Variants in UBOX5 observed in about 807,000 individuals in gnomAD.
The protein encoded by UBOX5 is U-box domain containing 5, also known as RING finger protein 37.
In UBOX5, 28 loss-of-function variants were observed where a neutral mutation model predicts 39.0. The observed-to-expected ratio is 0.72, with a 90% confidence interval of 0.53 to 0.98. The LOEUF is 0.98. Ranked by LOEUF, UBOX5 falls within the 50% of genes least tolerant of loss-of-function variation. UBOX5 has a pLI of 0.00. For synonymous variants in UBOX5, 283 were observed against 275.5 expected (o/e 1.03, Z -0.27); for missense variants, 585 against 674.4 (o/e 0.87, Z 1.47).
At chr20:3,114,176 C>T (rs534979500) in intron 4 of UBOX5, among the ~76,000 whole-genome samples, 14 of 152,052 alleles carry the variant, frequency 9.2e-5, no homozygotes, top group Non-Finnish European at 1.3e-4. Flanking sequence ...GCTGTCAGGG[C>T]GGCAGGATGA....
intron 1 of UBOX5, among the ~76,000 whole-genome samples, chr20:3,124,339 G>A (rs555451508): frequency 1.6e-3 from 241 of 152,150 alleles, no homozygotes; most frequent in African/African-American, 5.6e-3. Flanking sequence ...TCCTGCCTCG[G>A]CCTGCCGAGT....
At chr20:3,151,566 T>A (rs997608768) in intron 1 of UBOX5, among the ~76,000 whole-genome samples, 1 of 151,952 alleles carries the variant, frequency 6.6e-6, no homozygotes, top group South Asian at 2.1e-4. Context: ...GGCAGAAGGA[T>A]TGCTTGAGGC....
chr20:3,127,267 A>G (rs1037843641), intron 1 of UBOX5, among the ~76,000 whole-genome samples: 2 of 152,082 alleles, frequency 1.3e-5, no homozygotes, highest in African/African-American at 4.8e-5. Context: ...CGACAGGGAT[A>G]GGGTCACCCT....
intron 1 of UBOX5, among the ~76,000 whole-genome samples, chr20:3,155,070 AAAG>A (rs2066670662): frequency 6.8e-6 from 1 of 147,682 alleles, no homozygotes; most frequent in African/African-American, 2.5e-5. Flanking sequence ...AAAAAAAAAA[AAAG>A]AAAAGAAAAG....
Position 3,148,563 on chromosome 20 carries a change from G to A in UBOX5, c.-42+11203C>T, listed in dbSNP as rs145575657. 4.3e-6 allele frequency: 7 copies of A among 1,614,132 alleles called. No homozygotes were observed. In the African/African-American group the frequency reaches 6.7e-5, roughly 15 times the overall value. ...TGCTGCTCTGCAGGCAAAGAGCTCA[G>A]CTTACACAAATAATCAACAATGACT... On this transcript the variant is annotated intron_variant, in intron 1 of 4. Transcript: ENST00000217173.
intron 1 of UBOX5, among the ~76,000 whole-genome samples, chr20:3,158,530 G>A (rs1568485446): frequency 6.6e-6 from 1 of 152,018 alleles, no homozygotes; most frequent in Non-Finnish European, 1.5e-5. Flanking sequence ...CTGGAGTGCA[G>A]TGGCGCGATC....
intron 1 of UBOX5, among the ~76,000 whole-genome samples, chr20:3,124,357 T>C (rs796756397): frequency 6.6e-6 from 1 of 152,170 alleles, no homozygotes; most frequent in African/African-American, 2.4e-5. Context: ...AGTGCCTGCC[T>C]TGAGTGATCT....
intron 1 of UBOX5, among the ~76,000 whole-genome samples, chr20:3,157,017 T>C (rs1468305622): frequency 6.6e-6 from 1 of 152,046 alleles, no homozygotes; most frequent in Non-Finnish European, 1.5e-5. Flanking sequence ...ATCCCAGCAC[T>C]TTGGAAGGCC....
At chr20:3,120,153 C>A (rs1406428813) in intron 3 of UBOX5, among the ~76,000 whole-genome samples, 3 of 152,048 alleles carry the variant, frequency 2.0e-5, no homozygotes, top group Admixed American at 2.0e-4. Context: ...TTGAGACCAT[C>A]CCGGGCACCA....
chr20:3,156,722 T>C (rs925811975), intron 1 of UBOX5: 1 of 152,350 alleles, frequency 6.6e-6, no homozygotes, highest in Non-Finnish European at 1.5e-5. Flanking sequence ...CAGAGCCGAA[T>C]AGCTTCATTT....
chr20:3,134,916 C>A (rs546528148), intron 1 of UBOX5, among the ~76,000 whole-genome samples: 2 of 151,742 alleles, frequency 1.3e-5, no homozygotes. Flanking sequence ...GAGCATTCTG[C>A]GGATGACACA....
chr20:3,150,083 A>C (rs2066609533), intron 1 of UBOX5, among the ~76,000 whole-genome samples: 1 of 152,110 alleles, frequency 6.6e-6, no homozygotes, highest in Non-Finnish European at 1.5e-5. Context: ...TTATAGCGCA[A>C]AACTGTTAAT....
chr20:3,149,205 A>G lies in UBOX5; in HGVS notation c.-42+10561T>C, dbSNP rs2148621593. The stretch of plus-strand genomic sequence containing the variant: ...CCACAAAAACTGCCTGGAAATCTTC[A>G]GCATATCACAAGAGCCAGGGATCAC... On this transcript the variant is annotated intron_variant, in intron 1 of 4. Transcript: ENST00000217173. This position sits in a 1 kb window ranked among gnomAD's most constrained non-coding sequence, Gnocchi z 4.1. 1.1e-6 allele frequency: 1 copy of G among 888,362 alleles called. No individual in the cohort carries two copies. Among genetic ancestry groups the G allele is most frequent in the Non-Finnish European group, 1.7e-6 (1 of 588,042 alleles). 55.0% of individuals were successfully genotyped at this position (888,362 alleles called of 1,614,324 possible). A position where few individuals can be genotyped will look rare whatever the true frequency, so the allele number is the denominator to read the frequency against.
intron 1 of UBOX5, among the ~76,000 whole-genome samples, chr20:3,153,721 C>T (rs180715579): frequency 8.5e-5 from 13 of 152,312 alleles, no homozygotes; most frequent in South Asian, 2.1e-4. Flanking sequence ...TAACAGTCTA[C>T]GATTCTATCA....
intron 4 of UBOX5, among the ~76,000 whole-genome samples, chr20:3,112,831 T>C (rs1272346988): frequency 6.6e-6 from 1 of 151,568 alleles, no homozygotes. Context: ...CCGGGCGTGG[T>C]GGCGGGCGCC....
At chr20:3,112,016 C>T (rs1471467615) in intron 4 of UBOX5, among the ~76,000 whole-genome samples, 2 of 152,118 alleles carry the variant, frequency 1.3e-5, no homozygotes, top group South Asian at 2.1e-4. Context: ...GGCCTGGCTG[C>T]GGGTGTTTTC....
At chr20:3,123,678 G>A (rs2066355382) in intron 1 of UBOX5, among the ~76,000 whole-genome samples, 1 of 152,212 alleles carries the variant, frequency 6.6e-6, no homozygotes, top group Non-Finnish European at 1.5e-5. Flanking sequence ...ACCCAATGGA[G>A]GCAAGGCCCA....
At chr20:3,122,979 T>G (rs922157840) in intron 2 of UBOX5, among the ~76,000 whole-genome samples, 3 of 151,890 alleles carry the variant, frequency 2.0e-5, no homozygotes, top group Non-Finnish European at 2.9e-5. Flanking sequence ...AAAACTCCCT[T>G]CAAAACAGTA....
chr20:3,126,011 C>T (rs1304354670), intron 1 of UBOX5, among the ~76,000 whole-genome samples: 6 of 152,276 alleles, frequency 3.9e-5, no homozygotes, highest in African/African-American at 9.6e-5. Flanking sequence ...CCAATAGCTC[C>T]GAAGAGACAG....
Sources: gnomAD v4.1 joint callset for allele counts (sites outside exome capture counted in the v4.1 genomes callset) on GRCh38, gnomAD v4.1.1 for gene constraint, Gnocchi (gnomAD v3.1) non-coding constraint, MANE v1.5 for transcripts, NCBI Gene and HGNC (gene_info 2026-07-23, HGNC 2026-07-21) for gene names.